The following HTR4 variants were observed in gnomAD, a reference collection of about 807,000 sequenced individuals.
The protein encoded by HTR4 is 5-hydroxytryptamine (serotonin) receptor 4, G protein-coupled.
In HTR4, 16 loss-of-function variants were observed where a neutral mutation model predicts 36.8. That is an observed-to-expected ratio of 0.43 (90% CI 0.29 to 0.66). The LOEUF (loss-of-function observed/expected upper bound fraction) is 0.66. Among genes scored for constraint, HTR4 ranks in the 30% least tolerant of loss-of-function variants. The pLI, the probability that HTR4 is intolerant of heterozygous loss-of-function variation, is 0.13. For missense variants in HTR4, 438 were observed against 490.9 expected (o/e 0.89, Z 1.02); for synonymous variants, 189 against 185.1 (o/e 1.02, Z -0.17).
At position 148,451,367 on chromosome 5, in the gene HTR4, T is replaced by G. The variant is rs1290839123; in HGVS notation, c.1077-95A>C. 2.1e-5 allele frequency: 34 copies of G among 1,587,668 alleles called. No homozygotes were observed. The Middle Eastern group carries it at 6.7e-4, about 32-fold the overall frequency. On this transcript the variant is annotated intron_variant, in intron 5 of 5. Coordinates refer to the HTR4 transcript ENST00000521530. ...TCCTTCTACTCTTGACTTCCTTTCT[T>G]TGCATACTTCTGAGGGTATGGTGAA...
intron 6 of HTR4, among the ~76,000 whole-genome samples, chr5:148,488,115 T>C (rs1048840788): frequency 6.6e-6 from 1 of 152,220 alleles, no homozygotes; most frequent in African/African-American, 2.4e-5. Flanking sequence ...TAATAAGTTA[T>C]CAGCAAGTTT....
downstream of HTR4, among the ~76,000 whole-genome samples, chr5:148,477,063 C>T (rs888495351): frequency 6.6e-6 from 1 of 152,058 alleles, no homozygotes; most frequent in Non-Finnish European, 1.5e-5. Context: ...TATGAGGAGT[C>T]CTTGAGGGAT....
intron 5 of HTR4, among the ~76,000 whole-genome samples, chr5:148,516,312 C>CTTTTTTTTT (rs954784476): frequency 4.7e-4 from 36 of 76,498 alleles, no homozygotes; most frequent in Non-Finnish European, 6.5e-4. Flanking sequence ...ATTCCCCCCT[C>CTTTTTTTTT]TTTTTTTTTT....
At chr5:148,498,264 C>T (rs1340211545) in intron 6 of HTR4, among the ~76,000 whole-genome samples, 1 of 152,138 alleles carries the variant, frequency 6.6e-6, no homozygotes, top group African/African-American at 2.4e-5. Context: ...AGTAAAATTC[C>T]ATTTTGTCAA....
intron 2 of HTR4, among the ~76,000 whole-genome samples, chr5:148,570,081 A>C (rs896589155): frequency 2.0e-5 from 3 of 152,134 alleles, no homozygotes; most frequent in African/African-American, 7.2e-5. Context: ...CATACACAAG[A>C]GTATTAATTT....
At chr5:148,463,024 G>A (rs549025401) in intron 5 of HTR4, among the ~76,000 whole-genome samples, 5 of 151,900 alleles carry the variant, frequency 3.3e-5, no homozygotes, top group Admixed American at 1.3e-4. Flanking sequence ...ATTTGATATC[G>A]AAAATCTACA....
chr5:148,626,071 G>T (rs1753092229), intron 2 of HTR4, among the ~76,000 whole-genome samples: 1 of 152,160 alleles, frequency 6.6e-6, no homozygotes, highest in Admixed American at 6.5e-5. Context: ...ATAGAAGACT[G>T]GTTGGCTGAT....
chr5:148,516,853 A>G (rs543930970), intron 5 of HTR4, among the ~76,000 whole-genome samples: 1 of 152,148 alleles, frequency 6.6e-6, no homozygotes, highest in Non-Finnish European at 1.5e-5. Flanking sequence ...TGGCAAGCAG[A>G]TAGAATATGA....
chr5:148,502,969 C>A (rs1216739735), intron 6 of HTR4, among the ~76,000 whole-genome samples: 3 of 152,130 alleles, frequency 2.0e-5, no homozygotes, highest in Non-Finnish European at 4.4e-5. Flanking sequence ...ACAAACAAAG[C>A]CTCCAAGGAA....
intron 1 of HTR4, among the ~76,000 whole-genome samples, chr5:148,647,976 C>T (rs1183464553): frequency 6.6e-6 from 1 of 152,172 alleles, no homozygotes; most frequent in African/African-American, 2.4e-5. Context: ...TTTGTTTCCT[C>T]AGCATAAAAA....
chr5:148,609,282 A>G (rs1016744648), intron 2 of HTR4, among the ~76,000 whole-genome samples: 1 of 152,158 alleles, frequency 6.6e-6, no homozygotes, highest in African/African-American at 2.4e-5. Context: ...GATTGATCAC[A>G]TGCCCCCAAA....
intron 2 of HTR4, among the ~76,000 whole-genome samples, chr5:148,593,060 T>A (rs1303053848): frequency 1.3e-5 from 2 of 152,208 alleles, no homozygotes; most frequent in Non-Finnish European, 2.9e-5. Flanking sequence ...TATGTTGTAA[T>A]CTCTCAAACT....
intron 1 of HTR4, among the ~76,000 whole-genome samples, chr5:148,642,732 T>C (rs982287531): frequency 3.9e-5 from 6 of 152,194 alleles, no homozygotes; most frequent in Non-Finnish European, 7.3e-5. Context: ...GAAAATACTC[T>C]CACTAAATGG....
At chr5:148,548,623 T>A in intron 4 of HTR4, 45 bp downstream of exon 4, 1 of 1,452,276 alleles carries the variant, frequency 6.9e-7, no homozygotes, top group Non-Finnish European at 9.5e-7. Flanking sequence ...CATCAAGTCA[T>A]GTCTCCAGCA....
chr5:148,452,379 G>A (rs1026667193), intron 5 of HTR4, among the ~76,000 whole-genome samples: 1 of 152,268 alleles, frequency 6.6e-6, no homozygotes, highest in South Asian at 2.1e-4. Flanking sequence ...CAAAGCCCAT[G>A]GACTAGGTAT....
intron 6 of HTR4, among the ~76,000 whole-genome samples, chr5:148,484,091 G>T (rs550657808): frequency 6.6e-6 from 1 of 152,134 alleles, no homozygotes; most frequent in East Asian, 1.9e-4. Flanking sequence ...TAACATTCAA[G>T]ATATGATTAT....
At chr5:148,573,103 C>A (rs1488673668) in intron 2 of HTR4, among the ~76,000 whole-genome samples, 1 of 152,050 alleles carries the variant, frequency 6.6e-6, no homozygotes. Context: ...CACTGTCATG[C>A]AGTTCTAAAG....
chr5:148,545,842 A>T (rs1399910975), intron 4 of HTR4, among the ~76,000 whole-genome samples: 1 of 152,210 alleles, frequency 6.6e-6, no homozygotes, highest in Non-Finnish European at 1.5e-5. Context: ...ATAGCCACTG[A>T]AGGGTTTTAA....
chr5:148,614,704 T>C (rs1442946437), intron 2 of HTR4, among the ~76,000 whole-genome samples: 3 of 151,924 alleles, frequency 2.0e-5, no homozygotes, highest in African/African-American at 7.3e-5. Context: ...ACTAAAGAGC[T>C]TCTGCACAGC....
Sources: gnomAD v4.1 joint callset for allele counts (sites outside exome capture counted in the v4.1 genomes callset) on GRCh38, gnomAD v4.1.1 for gene constraint, MANE v1.5 for transcripts, NCBI Gene and HGNC (gene_info 2026-07-23, HGNC 2026-07-21) for gene names.